Variants in SASH1 observed in about 807,000 individuals in gnomAD.
SASH1 encodes SAM and SH3 domain-containing protein 1.
In SASH1, 44 loss-of-function variants were observed where a neutral mutation model predicts 125.2. That is an observed-to-expected ratio of 0.35 (90% CI 0.28 to 0.45). The LOEUF (loss-of-function observed/expected upper bound fraction) is 0.45. SASH1 is among the 20% of genes least tolerant of loss of function. The pLI is 1.00. For synonymous variants in SASH1, 639 were observed against 649.1 expected, an observed-to-expected ratio of 0.98 and a Z score of 0.24; for missense variants, 1,426 against 1,614.5, an observed-to-expected ratio of 0.88 and a Z score of 2.00.
At chr6:148,450,845 T>G (rs115147933) in intron 4 of SASH1, among the ~76,000 whole-genome samples, 1 of 152,300 alleles carries the variant, frequency 6.6e-6, no homozygotes, top group African/African-American at 2.4e-5. Context: ...TACCAGACTC[T>G]CTGGGTTCAA....
At chr6:148,387,893 T>A (rs9498027) in intron 1 of SASH1, among the ~76,000 whole-genome samples, 4 of 138,162 alleles carry the variant, frequency 2.9e-5, no homozygotes, top group African/African-American at 5.5e-5. Context: ...TGCCCACTAA[T>A]GCGCCCTGCT....
intron 2 of SASH1, among the ~76,000 whole-genome samples, chr6:148,419,215 C>T (rs760457869): frequency 7.9e-5 from 12 of 152,110 alleles, no homozygotes; most frequent in Admixed American, 5.2e-4. Context: ...ACTTTCAAAA[C>T]GTATAGGTAG....
At chr6:148,439,504 C>T (rs956741140) in intron 2 of SASH1, among the ~76,000 whole-genome samples, 4 of 152,248 alleles carry the variant, frequency 2.6e-5, no homozygotes, top group South Asian at 2.1e-4. Context: ...TGGGGCTGGG[C>T]GCGGTGGCTC....
At chr6:148,535,449 C>T (rs374658094) in intron 16 of SASH1, among the ~76,000 whole-genome samples, 1 of 152,132 alleles carries the variant, frequency 6.6e-6, no homozygotes, top group African/African-American at 2.4e-5. Context: ...TCAGAGCACA[C>T]GAGGAGTTGT....
intron 2 of SASH1, among the ~76,000 whole-genome samples, chr6:148,422,989 A>G (rs1775636264): frequency 6.6e-6 from 1 of 152,124 alleles, no homozygotes; most frequent in Admixed American, 6.5e-5. Context: ...GCCAGGCTGG[A>G]GTGCAGTGGC....
chr6:148,295,678 T>C (rs1382707142), intron 1 of SASH1, among the ~76,000 whole-genome samples: 1 of 152,220 alleles, frequency 6.6e-6, no homozygotes, highest in Non-Finnish European at 1.5e-5. Context: ...TGGCGGCGTA[T>C]GGCAGCACAG....
At chr6:148,288,144 C>T (rs1208179400) in intron 1 of SASH1, among the ~76,000 whole-genome samples, 1 of 147,562 alleles carries the variant, frequency 6.8e-6, no homozygotes, top group Non-Finnish European at 1.5e-5. Flanking sequence ...AAGCTGAAAA[C>T]CCGCGGGCCC....
In SASH1 at chr6:148,422,129, G is replaced by A. The variant is rs1193482148; in HGVS notation, c.286-18055G>A. 2.0e-5 allele frequency among the ~76,000 whole-genome samples: 3 copies of A among 152,194 alleles called. No homozygotes were observed. In the East Asian group the frequency reaches 5.8e-4, roughly 29 times the overall value. The stretch of plus-strand genomic sequence containing the variant: ...ACCTAGGCACAGCAGCAATGACTCA[G>A]TCACTGTGATGGCAGTGCCCACAAG... On this transcript the variant is annotated intron_variant, in intron 2 of 19. Transcript: ENST00000367467.
chr6:148,371,668 G>A (rs1782710826), intron 1 of SASH1, among the ~76,000 whole-genome samples: 1 of 152,012 alleles, frequency 6.6e-6, no homozygotes, highest in Admixed American at 6.6e-5. Flanking sequence ...TTGAGTTTAG[G>A]TCAGAGCCAG....
intron 12 of SASH1, among the ~76,000 whole-genome samples, chr6:148,528,283 A>G (rs1057254032): frequency 1.3e-5 from 2 of 152,274 alleles, no homozygotes; most frequent in African/African-American, 2.4e-5. Flanking sequence ...CAAGGTAATT[A>G]TGACCATTCA....
intron 1 of SASH1, among the ~76,000 whole-genome samples, chr6:148,314,400 A>G (rs867885726): frequency 3.3e-5 from 5 of 152,308 alleles, no homozygotes; most frequent in South Asian, 2.1e-4. Context: ...GGTTCCCTTC[A>G]ATCATTCAGC....
chr6:148,421,130 GAAGGAAGGAAGGAAGGAAGAAAGA>G (rs1278844734), intron 2 of SASH1, among the ~76,000 whole-genome samples: 2 of 58,100 alleles, frequency 3.4e-5, no homozygotes, highest in East Asian at 4.2e-4. Context: ...AGGAAGAAAG[GAAGGAAGGAAGGAAGGAAGAAAGA>G]AAGAAAGAAA....
chr6:148,357,215 C>G (rs559075405), intron 1 of SASH1, among the ~76,000 whole-genome samples: 1 of 152,300 alleles, frequency 6.6e-6, no homozygotes, highest in East Asian at 1.9e-4. Flanking sequence ...CTAGAAACTT[C>G]CTGTTGTTGG....
Position 148,493,162 on chromosome 6 carries a change from T to G in SASH1, c.729+5447T>G, listed in dbSNP as rs922480001. The stretch of plus-strand genomic sequence containing the variant: ...CTCTGTGTATTTTGCTAGCTGACTT[T>G]CTGCCAACACCCATGCCCACCTCTG... On this transcript the variant is annotated intron_variant, in intron 8 of 19. Transcript: ENST00000367467. Among the ~76,000 whole-genome samples the G allele has an allele frequency of 1.9e-4, 29 of 152,224 alleles. 1 individual carries two copies. The highest frequency in any genetic ancestry group is 1.8e-3 in the Admixed American group (28 of 15,286).
At chr6:148,289,889 AC>A (rs1779583357) in intron 1 of SASH1, among the ~76,000 whole-genome samples, 1 of 117,016 alleles carries the variant, frequency 8.5e-6, no homozygotes, top group South Asian at 2.9e-4. Context: ...TTTTTTTGAG[AC>A]AGAGTCTCAC....
the SASH1 span, among the ~76,000 whole-genome samples, chr6:148,229,958 C>T: frequency 1.3e-5 from 2 of 151,988 alleles, no homozygotes; most frequent in African/African-American, 4.8e-5. Context: ...GTAATCCACC[C>T]GCCTCGGCCT....
chr6:148,425,564 A>G (rs567307619), intron 2 of SASH1, among the ~76,000 whole-genome samples: 3 of 152,306 alleles, frequency 2.0e-5, no homozygotes, highest in South Asian at 4.1e-4. Flanking sequence ...TTCAAAGACA[A>G]TTATTTTCAA....
At chr6:148,275,684 T>A (rs1779164615) in intron 1 of SASH1, among the ~76,000 whole-genome samples, 1 of 152,196 alleles carries the variant, frequency 6.6e-6, no homozygotes, top group Non-Finnish European at 1.5e-5. Context: ...TTCCATAAGA[T>A]CTTAAAAGTA....
intron 1 of SASH1, among the ~76,000 whole-genome samples, chr6:148,388,400 T>A (rs1192262459): frequency 6.6e-6 from 1 of 152,216 alleles, no homozygotes; most frequent in Non-Finnish European, 1.5e-5. Flanking sequence ...CGTTGCCTGC[T>A]GTGTCAGTCC....
Sources: allele counts gnomAD v4.1 joint callset (sites outside exome capture counted in the v4.1 genomes callset), GRCh38; gene constraint gnomAD v4.1.1; transcripts MANE v1.5; gene names NCBI Gene and HGNC (gene_info 2026-07-23, HGNC 2026-07-21).